RBFOX2: variants seen among roughly 807,000 people sequenced by gnomAD.
The protein encoded by RBFOX2 is RNA binding protein fox-1 homolog 2.
RBFOX2 carries 10 observed loss-of-function variants against 49.1 expected under a neutral mutation model. The observed-to-expected ratio is 0.20, with a 90% confidence interval of 0.13 to 0.35. The LOEUF (loss-of-function observed/expected upper bound fraction) is 0.35, where lower values mean the gene tolerates loss of function less well. Among genes scored for constraint, RBFOX2 ranks in the 10% least tolerant of loss-of-function variants. The pLI, the probability that RBFOX2 is intolerant of heterozygous loss-of-function variation, is 1.00. For synonymous variants in RBFOX2, 183 were observed against 187.4 expected (o/e 0.98, Z 0.19); for missense variants, 323 against 486.9 (o/e 0.66, Z 3.17).
intron 1 of RBFOX2, among the ~76,000 whole-genome samples, chr22:35,905,795 C>G (rs2049058986): frequency 6.6e-6 from 1 of 152,014 alleles, no homozygotes; most frequent in South Asian, 2.1e-4. Flanking sequence ...CTAATAGAGT[C>G]ATGCACTGCA....
chr22:35,928,301 C>G (rs1010849208), intron 1 of RBFOX2, among the ~76,000 whole-genome samples: 1 of 152,140 alleles, frequency 6.6e-6, no homozygotes. Context: ...TGCCACAAAA[C>G]AGCTTTATAT....
intron 3 of RBFOX2, among the ~76,000 whole-genome samples, chr22:35,779,113 G>C (rs1602598272): frequency 6.6e-6 from 1 of 152,242 alleles, no homozygotes; most frequent in East Asian, 1.9e-4. Context: ...AAGACACGAA[G>C]CCTAAACTCT....
At chr22:36,025,971 G>A (rs1311019114) in intron 1 of RBFOX2, among the ~76,000 whole-genome samples, 1 of 151,162 alleles carries the variant, frequency 6.6e-6, no homozygotes, top group Non-Finnish European at 1.5e-5. Flanking sequence ...ACAACAATGG[G>A]AATGTATAGA....
chr22:35,966,005 A>G (rs1454766773), upstream of RBFOX2, among the ~76,000 whole-genome samples: 1 of 152,138 alleles, frequency 6.6e-6, no homozygotes, highest in Non-Finnish European at 1.5e-5. Context: ...GAAATAGGAC[A>G]TTACCAGCAC....
chr22:35,811,503 G>C (rs140070294), intron 1 of RBFOX2, among the ~76,000 whole-genome samples: 56 of 152,232 alleles, frequency 3.7e-4, no homozygotes, highest in Non-Finnish European at 7.2e-4. Flanking sequence ...CAACCCTGCT[G>C]ACACCCTGAT....
intron 2 of RBFOX2, among the ~76,000 whole-genome samples, chr22:35,798,107 CTGGGA>C: frequency 6.6e-6 from 1 of 152,188 alleles, no homozygotes; most frequent in Non-Finnish European, 1.5e-5. Flanking sequence ...TCCCAAGTAG[CTGGGA>C]TTACAGGCAT....
At chr22:36,025,219 G>A (rs757453555) in intron 1 of RBFOX2, among the ~76,000 whole-genome samples, 1 of 152,078 alleles carries the variant, frequency 6.6e-6, no homozygotes, top group Non-Finnish European at 1.5e-5. Flanking sequence ...TTAATACATT[G>A]GTCTCCTGTT....
intron 1 of RBFOX2, among the ~76,000 whole-genome samples, chr22:36,005,646 C>A (rs984019110): frequency 1.3e-5 from 2 of 152,182 alleles, no homozygotes; most frequent in African/African-American, 2.4e-5. Flanking sequence ...ACTAGTTCGT[C>A]GTCAGAAGAG....
intron 9 of RBFOX2, 86 bp downstream of exon 11, chr22:35,756,019 A>G: frequency 1.9e-6 from 2 of 1,044,830 alleles, no homozygotes; most frequent in Non-Finnish European, 2.5e-6. Context: ...TAAAAGGAAA[A>G]AAACCAAACC....
chr22:35,878,039 TACACACACAC>T (rs58181557), intron 1 of RBFOX2, among the ~76,000 whole-genome samples: 476 of 141,234 alleles, frequency 3.4e-3, no homozygotes, highest in African/African-American at 5.9e-3. Flanking sequence ...CTACTACTAC[TACACACACAC>T]ACACACACAC....
chr22:35,956,518 C>T (rs988745740), intron 1 of RBFOX2, among the ~76,000 whole-genome samples: 5 of 152,078 alleles, frequency 3.3e-5, no homozygotes, highest in African/African-American at 1.2e-4. Context: ...CATGCCAGCA[C>T]ACCCGGCTAA....
chr22:35,850,401 T>C (rs1437041185), intron 1 of RBFOX2, among the ~76,000 whole-genome samples: 1 of 152,106 alleles, frequency 6.6e-6, no homozygotes, highest in Non-Finnish European at 1.5e-5. Context: ...TCGCTGTGCT[T>C]TAACAGAGGT....
intron 2 of RBFOX2, among the ~76,000 whole-genome samples, chr22:35,806,721 A>G (rs898413959): frequency 6.6e-6 from 1 of 152,256 alleles, no homozygotes; most frequent in Non-Finnish European, 1.5e-5. Context: ...AATTACATTA[A>G]GATGCAAATT....
At chr22:35,888,406 C>T (rs988464319) in intron 1 of RBFOX2, among the ~76,000 whole-genome samples, 3 of 152,288 alleles carry the variant, frequency 2.0e-5, no homozygotes, top group African/African-American at 7.2e-5. Flanking sequence ...GTGCTTACAC[C>T]AACCTAGATG....
intron 1 of RBFOX2, among the ~76,000 whole-genome samples, chr22:35,839,930 G>C (rs1352714976): frequency 6.6e-6 from 1 of 152,082 alleles, no homozygotes; most frequent in Non-Finnish European, 1.5e-5. Context: ...ATCCCCACAG[G>C]GTCTTTCCTG....
chr22:36,009,011 G>C (rs139884846), intron 1 of RBFOX2, among the ~76,000 whole-genome samples: 117 of 152,114 alleles, frequency 7.7e-4, no homozygotes, highest in African/African-American at 2.7e-3. Context: ...TTTCTACACA[G>C]CTTCAAAAAA....
At chr22:35,765,645 T>C (rs1367233496) in intron 5 of RBFOX2, among the ~76,000 whole-genome samples, 162 bp from the exon 7 acceptor site, 4 of 152,060 alleles carry the variant, frequency 2.6e-5, no homozygotes, top group Admixed American at 6.5e-5. Context: ...TATATAGTAT[T>C]TTAATTAAAG....
rs767894935 is a variant in RBFOX2 at position 36,000,951 on chromosome 22, T to G, written c.186+27289A>C. Among the ~76,000 whole-genome samples, 3 of 152,276 alleles carry G rather than the reference T, an allele frequency of 2.0e-5. No individual in the cohort carries two copies. The South Asian group carries it at 6.2e-4, about 32-fold the overall frequency. The stretch of plus-strand genomic sequence containing the variant: ...TCATCTTGATCTAACCCTTTCAGTT[T>G]AGGAAACTGAGGTTCTGACAGATTA... On this transcript the variant is annotated intron_variant, in intron 1 of 13. Coordinates refer to the RBFOX2 transcript ENST00000438146.
intron 1 of RBFOX2, among the ~76,000 whole-genome samples, chr22:35,913,751 C>T (rs986377186): frequency 6.6e-6 from 1 of 151,884 alleles, no homozygotes; most frequent in Non-Finnish European, 1.5e-5. Flanking sequence ...ATTTTTTAAC[C>T]TAATCAAAAT....
Sources: allele counts gnomAD v4.1 joint callset (sites outside exome capture counted in the v4.1 genomes callset), GRCh38; gene constraint gnomAD v4.1.1; transcripts MANE v1.5; gene names NCBI Gene and HGNC (gene_info 2026-07-23, HGNC 2026-07-21).